Variants in CACNA2D2 observed in about 807,000 individuals in gnomAD.
The protein encoded by CACNA2D2 is calcium voltage-gated channel auxiliary subunit alpha2delta 2, also known as voltage-dependent calcium channel subunit alpha-2/delta-2.
A neutral mutation model predicts 166.4 loss-of-function variants in CACNA2D2; 48 were observed. The observed-to-expected ratio is 0.29, with a 90% CI of 0.23 to 0.37. CACNA2D2 has a LOEUF of 0.37. Ranked by LOEUF, CACNA2D2 falls within the 10% of genes least tolerant of loss-of-function variation. The probability of loss-of-function intolerance (pLI) is 1.00; values close to 1 mark genes in which losing one functional copy is unlikely to be tolerated. For missense variants in CACNA2D2, 1,122 were observed against 1,433.0 expected (o/e 0.78, Z 3.50); for synonymous variants, 561 against 573.7 (o/e 0.98, Z 0.32).
chr3:50,388,719 C>G (rs1051351966), intron 4 of CACNA2D2, among the ~76,000 whole-genome samples: 1 of 152,224 alleles, frequency 6.6e-6, no homozygotes, highest in African/African-American at 2.4e-5. Context: ...CAGGCTCCCC[C>G]AGGCAGGACT....
intron 1 of CACNA2D2, among the ~76,000 whole-genome samples, chr3:50,480,755 G>GCAT (rs1428176898): frequency 1.1e-4 from 14 of 127,894 alleles, no homozygotes; most frequent in Non-Finnish European, 1.6e-5. Flanking sequence ...ATGTCAAACT[G>GCAT]CATCGCATTC....
At chr3:50,389,384 G>A (rs1705777492) in intron 4 of CACNA2D2, among the ~76,000 whole-genome samples, 1 of 151,630 alleles carries the variant, frequency 6.6e-6, no homozygotes, top group Non-Finnish European at 1.5e-5. Flanking sequence ...CTAAAAGGGG[G>A]TTATAAACAC....
chr3:50,438,920 G>C (rs1708468584), intron 2 of CACNA2D2, among the ~76,000 whole-genome samples: 1 of 152,210 alleles, frequency 6.6e-6, no homozygotes, highest in Admixed American at 6.5e-5. Flanking sequence ...GTTAGCTCTG[G>C]CTGCTCTGGG....
In CACNA2D2 at chr3:50,380,997, G is replaced by C; in HGVS notation, c.782C>G (p.Pro261Arg). The change falls in exon 7 of 38, where the codon CCG becomes CGG. Residue 261 changes from proline to arginine, a missense_variant and splice_region_variant. Pro to Arg is a moderately radical substitution (Grantham distance 103). This residue lies in a region of CACNA2D2 where 840 missense variants were observed against 1,166.8 expected (regional missense o/e 0.72). Coordinates refer to ENST00000424201, the MANE Select transcript of CACNA2D2 (RefSeq NM_006030.4). The surrounding 1 kb of genome is among the most constrained non-coding windows in gnomAD (Gnocchi z 4.9). ...GSATGVTRYY[P>R]ATPWRAPKKI... ...AGGGGACAGGGGCTGGTACCTACCCGGGTAGTAGCGAGTGACTCCTGTGGC... is the reference window on the plus strand; with the variant it reads ...AGGGGACAGGGGCTGGTACCTACCCCGGTAGTAGCGAGTGACTCCTGTGGC... The C allele has an allele frequency of 1.2e-6, 2 of 1,613,754 alleles. No homozygotes were observed. Among genetic ancestry groups the C allele is most frequent in the Non-Finnish European group, 1.7e-6 (2 of 1,179,760 alleles).
intron 2 of CACNA2D2, among the ~76,000 whole-genome samples, chr3:50,471,195 G>A (rs1710080901): frequency 6.6e-6 from 1 of 151,988 alleles, no homozygotes; most frequent in African/African-American, 2.4e-5. Context: ...GCAGAGCCTG[G>A]AGATGCTGGC....
intron 2 of CACNA2D2, among the ~76,000 whole-genome samples, chr3:50,439,084 T>C (rs1234873623): frequency 6.6e-6 from 1 of 152,248 alleles, no homozygotes; most frequent in African/African-American, 2.4e-5. Flanking sequence ...TCCAAAGCCC[T>C]TGCTTTAGGT....
chr3:50,452,354 T>C (rs895375246), intron 2 of CACNA2D2, among the ~76,000 whole-genome samples: 5 of 152,250 alleles, frequency 3.3e-5, no homozygotes, highest in African/African-American at 4.8e-5. Flanking sequence ...TCTCAGAGTC[T>C]GACTCCAGGG....
At chr3:50,382,524 C>T (rs185716740) in intron 6 of CACNA2D2, among the ~76,000 whole-genome samples, 1 of 152,358 alleles carries the variant, frequency 6.6e-6, no homozygotes, top group East Asian at 1.9e-4. Flanking sequence ...ACTCCCTTCG[C>T]TGTCTGTTCC....
intron 3 of CACNA2D2, among the ~76,000 whole-genome samples, chr3:50,420,657 A>C (rs1235264035): frequency 6.6e-6 from 1 of 152,184 alleles, no homozygotes; most frequent in Non-Finnish European, 1.5e-5. Flanking sequence ...GCAGCCCACC[A>C]GCTATGGGAA....
intron 3 of CACNA2D2, among the ~76,000 whole-genome samples, chr3:50,411,774 C>T (rs1014750822): frequency 2.2e-4 from 34 of 152,214 alleles, no homozygotes; most frequent in African/African-American, 8.2e-4. Flanking sequence ...GAGATGGTCA[C>T]ACCTGTGTGA....
At chr3:50,449,420 G>A (rs1375155607) in intron 2 of CACNA2D2, among the ~76,000 whole-genome samples, 1 of 152,196 alleles carries the variant, frequency 6.6e-6, no homozygotes, top group Non-Finnish European at 1.5e-5. Flanking sequence ...AGGAGAGCTG[G>A]GGGATGGGCC....
chr3:50,464,133 C>A (rs1259892660), intron 2 of CACNA2D2, among the ~76,000 whole-genome samples: 1 of 152,202 alleles, frequency 6.6e-6, no homozygotes, highest in Non-Finnish European at 1.5e-5. Flanking sequence ...TGAAGCCCCC[C>A]CAGCGACCCA....
intron 1 of CACNA2D2, among the ~76,000 whole-genome samples, chr3:50,477,078 C>T (rs978891942): frequency 2.3e-4 from 35 of 152,074 alleles, no homozygotes; most frequent in African/African-American, 7.7e-4. Flanking sequence ...TACAGGTGCC[C>T]GCCACCACGC....
intron 3 of CACNA2D2, among the ~76,000 whole-genome samples, chr3:50,401,293 T>C (rs927539719): frequency 1.3e-5 from 2 of 151,976 alleles, no homozygotes; most frequent in Admixed American, 6.6e-5. Flanking sequence ...TCAGAATCCA[T>C]GTAACAGGGA....
At chr3:50,422,119 G>A (rs1213079089) in intron 3 of CACNA2D2, among the ~76,000 whole-genome samples, 1 of 152,058 alleles carries the variant, frequency 6.6e-6, no homozygotes, top group Admixed American at 6.5e-5. Flanking sequence ...CTCCCTGGCT[G>A]CCTCACCTTA....
At chr3:50,381,187 A>T in intron 6 of CACNA2D2, 61 bp from the exon 7 acceptor site, 1 of 1,576,752 alleles carries the variant, frequency 6.3e-7, no homozygotes, top group Non-Finnish European at 8.7e-7. Context: ...CGAACCCACC[A>T]CCACGACACT....
In CACNA2D2 at chr3:50,434,328, C is replaced by T. The variant is rs531043018; in HGVS notation, c.390G>A (p.Lys130=). 8.1e-6 allele frequency: 13 copies of T among 1,613,586 alleles called. No homozygotes were observed. The East Asian group carries it at 1.3e-4, about 17-fold the overall frequency. ...ACACACCTACCTTCAGGGCCTGCAC[C>T]TTCCTGTCCAGAAGGCTCTCAATGT... ...AGDIESLLDR[K]VQALKRLADA... The change falls in exon 3 of 38, where the codon AAG becomes AAA. Residue 130 remains lysine (K), a synonymous_variant. Transcript: ENST00000424201.
intron 1 of CACNA2D2, among the ~76,000 whole-genome samples, chr3:50,486,899 C>T (rs538510442): frequency 6.6e-6 from 1 of 152,362 alleles, no homozygotes; most frequent in Admixed American, 6.5e-5. Flanking sequence ...CAGTAGAAGA[C>T]AGGCTGGAGG....
intron 1 of CACNA2D2, among the ~76,000 whole-genome samples, chr3:50,477,095 A>AT (rs1283759493): frequency 6.6e-6 from 1 of 151,264 alleles, no homozygotes; most frequent in Non-Finnish European, 1.5e-5. Context: ...ACGCCTGGCT[A>AT]TTTTTTTCTA....
Sources: gnomAD v4.1 joint callset for allele counts (sites outside exome capture counted in the v4.1 genomes callset) on GRCh38, gnomAD v4.1.1 for gene constraint, gnomAD v4.1.1 regional missense constraint, Gnocchi (gnomAD v3.1) non-coding constraint, MANE v1.5 for transcripts, NCBI Gene and HGNC (gene_info 2026-07-23, HGNC 2026-07-21) for gene names.